Variants in DNM3 observed in about 807,000 individuals in gnomAD.
The protein encoded by DNM3 is dynamin 3.
DNM3 carries 47 observed loss-of-function variants against 101.6 expected under a neutral mutation model. The observed-to-expected ratio is 0.46, with a 90% CI of 0.37 to 0.59. The LOEUF is 0.59. DNM3 is among the 20% of genes least tolerant of loss of function. DNM3 has a pLI of 0.00. For missense variants in DNM3, 849 were observed against 1,085.7 expected (o/e 0.78, Z 3.06); for synonymous variants, 385 against 387.9 (o/e 0.99, Z 0.09).
At chr1:172,003,632 T>C (rs1248914983) in intron 4 of DNM3, among the ~76,000 whole-genome samples, 1 of 151,846 alleles carries the variant, frequency 6.6e-6, no homozygotes, top group Non-Finnish European at 1.5e-5. Context: ...GTACCTTGAA[T>C]ACAAGAAAAA....
chr1:172,354,825 T>G (rs1247491878), intron 17 of DNM3, among the ~76,000 whole-genome samples: 1 of 152,000 alleles, frequency 6.6e-6, no homozygotes, highest in Non-Finnish European at 1.5e-5. Context: ...CATATGGAGA[T>G]AGGAGAAAAT....
intron 1 of DNM3, among the ~76,000 whole-genome samples, chr1:171,891,908 A>G (rs1297822107): frequency 1.3e-5 from 2 of 152,170 alleles, no homozygotes; most frequent in Non-Finnish European, 2.9e-5. Flanking sequence ...ACACTTAAGG[A>G]GTGGGGAGTT....
At chr1:172,210,314 C>CTTT (rs11330467) in intron 14 of DNM3, among the ~76,000 whole-genome samples, 51 of 84,828 alleles carry the variant, frequency 6.0e-4, no homozygotes, top group African/African-American at 1.3e-3. Flanking sequence ...AGAGAGCGTG[C>CTTT]TTTTTTTTTT....
intron 14 of DNM3, among the ~76,000 whole-genome samples, chr1:172,208,496 A>T (rs1429072077): frequency 6.6e-6 from 1 of 152,108 alleles, no homozygotes; most frequent in Non-Finnish European, 1.5e-5. Context: ...GCTAAGTCTG[A>T]GATCTCCGAG....
At chr1:172,190,215 A>G (rs2059663482) in intron 14 of DNM3, among the ~76,000 whole-genome samples, 1 of 151,850 alleles carries the variant, frequency 6.6e-6, no homozygotes, top group African/African-American at 2.4e-5. Flanking sequence ...CCCTGTGTCC[A>G]TGTGTTCTCA....
chr1:171,909,611 C>A (rs2039128695), intron 1 of DNM3, among the ~76,000 whole-genome samples: 1 of 152,106 alleles, frequency 6.6e-6, no homozygotes, highest in African/African-American at 2.4e-5. Flanking sequence ...TTGACTAGTG[C>A]TCTTTCCATA....
intron 1 of DNM3, among the ~76,000 whole-genome samples, chr1:171,877,155 T>C (rs996290133): frequency 6.6e-6 from 1 of 152,164 alleles, no homozygotes; most frequent in Non-Finnish European, 1.5e-5. Context: ...CCTGAAACCA[T>C]GGGAATAAAT....
At chr1:172,097,108 G>A (rs902683763) in intron 13 of DNM3, among the ~76,000 whole-genome samples, 5 of 152,078 alleles carry the variant, frequency 3.3e-5, no homozygotes, top group African/African-American at 9.6e-5. Flanking sequence ...AGAGCAGAAG[G>A]TGCTGATTTA....
At chr1:171,932,965 G>A (rs934131146) in intron 2 of DNM3, among the ~76,000 whole-genome samples, 3 of 152,096 alleles carry the variant, frequency 2.0e-5, no homozygotes, top group Admixed American at 6.6e-5. Flanking sequence ...TTTTTGCCTC[G>A]TGTCTTCTAA....
chr1:171,935,433 G>T (rs1020990795), intron 2 of DNM3, among the ~76,000 whole-genome samples: 3 of 152,164 alleles, frequency 2.0e-5, no homozygotes, highest in African/African-American at 7.2e-5. Context: ...AAAATTTTAA[G>T]TGCTAGGTCA....
At chr1:172,292,121 G>C (rs1378928627) in intron 15 of DNM3, among the ~76,000 whole-genome samples, 1 of 152,112 alleles carries the variant, frequency 6.6e-6, no homozygotes, top group African/African-American at 2.4e-5. Context: ...AATGATAAAA[G>C]TGTTTGAATT....
chr1:172,229,414 G>A (rs1184953686), intron 14 of DNM3, among the ~76,000 whole-genome samples: 2 of 152,116 alleles, frequency 1.3e-5, no homozygotes, highest in Non-Finnish European at 2.9e-5. Context: ...TAAATAACTG[G>A]TGAATGTATA....
intron 15 of DNM3, among the ~76,000 whole-genome samples, chr1:172,286,709 A>G (rs1247962582): frequency 6.6e-6 from 1 of 152,080 alleles, no homozygotes; most frequent in African/African-American, 2.4e-5. Flanking sequence ...TCTTTAATCC[A>G]TCTGGAACCA....
At chr1:172,042,174 T>C (rs1311082092) in intron 8 of DNM3, 30 bp downstream of exon 8, 1 of 1,567,770 alleles carries the variant, frequency 6.4e-7, no homozygotes, top group Non-Finnish European at 8.6e-7. Flanking sequence ...TTTTTCTTAG[T>C]TTCACTTCAC....
intron 20 of DNM3, among the ~76,000 whole-genome samples, chr1:172,390,676 G>A (rs1487217104): frequency 1.3e-5 from 2 of 152,160 alleles, no homozygotes; most frequent in African/African-American, 4.8e-5. Flanking sequence ...ATGAATTTCC[G>A]CATTGAGCCT....
In DNM3 at chr1:172,082,031, C is replaced by A. The variant is rs1177853785; in HGVS notation, c.1493+129C>A. 6.3e-6 allele frequency: 6 copies of A among 950,172 alleles called. No individual in the cohort carries two copies. The Admixed American group carries it at 1.4e-4, about 22-fold the overall frequency. 58.9% of individuals were successfully genotyped at this position (950,172 alleles called of 1,614,324 possible). ...TGTGCCAGGATTAACTCTCAGTGTG[C>A]CTACTTAGGAAGTCTGAGCTCCATG... On this transcript the variant is annotated intron_variant, in intron 12 of 20. Coordinates refer to ENST00000627582, the MANE Select transcript of DNM3 (RefSeq NM_015569.5).
intron 17 of DNM3, among the ~76,000 whole-genome samples, chr1:172,342,610 G>A (rs1264875441): frequency 6.6e-6 from 1 of 152,152 alleles, no homozygotes; most frequent in Non-Finnish European, 1.5e-5. Flanking sequence ...CTATTTGAGG[G>A]TGGAGAGTGG....
Position 171,987,882 on chromosome 1 carries a change from A to G in DNM3, c.385+77A>G, listed in dbSNP as rs1571968996. 3.7e-6 allele frequency: 5 copies of G among 1,344,126 alleles called. No individual in the cohort carries two copies. In the East Asian group the frequency reaches 1.0e-4, roughly 27 times the overall value. The allele number at this position is 1,344,126 out of a possible 1,614,324, so 83.3% of individuals were successfully genotyped here. A position where few individuals can be genotyped will look rare whatever the true frequency, so the allele number is the denominator to read the frequency against. Reference sequence around the variant, plus strand: ...ATTAATTAACATACATCATTTGTACAGAAGATACAAATAGTGCTGGGTTTC... The same window carrying G: ...ATTAATTAACATACATCATTTGTACGGAAGATACAAATAGTGCTGGGTTTC... On this transcript the variant is annotated intron_variant, in intron 3 of 20. Coordinates refer to ENST00000627582, the MANE Select transcript of DNM3 (RefSeq NM_015569.5).
rs1363677273 is a variant in DNM3 at position 172,267,933 on chromosome 1, C to T, written c.1769+14251C>T. Among the ~76,000 whole-genome samples the T allele has an allele frequency of 6.6e-5, 10 of 152,232 alleles. No individual in the cohort carries two copies. In the South Asian group the frequency reaches 1.5e-3, roughly 22 times the overall value. On this transcript the variant is annotated intron_variant, in intron 15 of 20. Coordinates refer to ENST00000627582, the MANE Select transcript of DNM3 (RefSeq NM_015569.5). ...TTCACCACGTTAGCCAGGATGGTCT[C>T]GATCTCCTGACCTCGTGATTCACCC...
Sources: allele counts gnomAD v4.1 joint callset (sites outside exome capture counted in the v4.1 genomes callset), GRCh38; gene constraint gnomAD v4.1.1; transcripts MANE v1.5; gene names NCBI Gene and HGNC (gene_info 2026-07-23, HGNC 2026-07-21).